The following SERHL2 variants were observed in gnomAD, a reference collection of about 807,000 sequenced individuals.
SERHL2 encodes serine hydrolase like 2.
Under a neutral mutation model 25.5 loss-of-function variants are expected in SERHL2, and 29 were observed. That is an observed-to-expected ratio of 1.14 (90% confidence interval 0.85 to 1.55). The LOEUF (loss-of-function observed/expected upper bound fraction) is 1.55. SERHL2 is among the 40% of genes most tolerant of loss of function. The pLI, the probability that SERHL2 is intolerant of heterozygous loss-of-function variation, is 0.00. For missense variants in SERHL2, 240 were observed against 252.3 expected, an observed-to-expected ratio of 0.95 and a Z score of 0.33; for synonymous variants, 95 against 103.5, an observed-to-expected ratio of 0.92 and a Z score of 0.50.
rs183438296 is a variant in SERHL2, at chr22:42,571,499, G to C, written c.731+296G>C. On this transcript the variant is annotated intron_variant, in intron 10 of 11. Coordinates refer to ENST00000327678, the MANE Select transcript of SERHL2 (RefSeq NM_014509.5). ...ATAACCAGTGAGCCCAGTCTCGGCT[G>C]ACTGCAACCTCTGTCTCCTGGATTC... The C allele has an allele frequency of 5.1e-4, 617 of 1,216,930 alleles. 3 individuals carry two copies. In the East Asian group the frequency reaches 7.0e-3, roughly 14 times the overall value. 75.4% of individuals were successfully genotyped at this position (1,216,930 alleles called of 1,614,324 possible).
intron 6 of SERHL2, among the ~76,000 whole-genome samples, chr22:42,557,608 T>TA (rs1194736954): frequency 2.7e-5 from 1 of 37,052 alleles, no homozygotes; most frequent in African/African-American, 5.7e-5. Flanking sequence ...CCCATAAGGA[T>TA]AAGGATCATG....
chr22:42,568,772 C>G (rs755168920), intron 9 of SERHL2, among the ~76,000 whole-genome samples: 11 of 151,986 alleles, frequency 7.2e-5, no homozygotes, highest in Non-Finnish European at 1.6e-4. Context: ...AAAGACCAGC[C>G]TCGCCAACAT....
chr22:42,567,760 C>T (rs1439088443), intron 9 of SERHL2, among the ~76,000 whole-genome samples: 5 of 150,356 alleles, frequency 3.3e-5, no homozygotes, highest in East Asian at 1.9e-4. Context: ...TACAGAGTCT[C>T]GCTCTTGTTG....
Position 42,574,303 on chromosome 22 carries a change from G to A in SERHL2, c.*248G>A. ...AATAATAAATATCCAGCCAGCTGGA[G>A]GAAGGAAGGGCAGGCTGGGCCCACC... On this transcript the variant is annotated 3_prime_UTR_variant, in exon 12 of 12. Coordinates refer to ENST00000327678, the MANE Select transcript of SERHL2 (RefSeq NM_014509.5). The A allele has an allele frequency of 1.8e-6, 1 of 544,326 alleles. No individual in the cohort carries two copies. The highest frequency in any genetic ancestry group is 3.2e-6 in the Non-Finnish European group (1 of 307,838). 33.7% of individuals were successfully genotyped at this position (544,326 alleles called of 1,614,324 possible). A position where few individuals can be genotyped will look rare whatever the true frequency, so the allele number is the denominator to read the frequency against.
chr22:42,564,026 C>CA (rs1289144401), intron 8 of SERHL2, among the ~76,000 whole-genome samples: 1 of 151,562 alleles, frequency 6.6e-6, no homozygotes, highest in Admixed American at 6.6e-5. Flanking sequence ...GAGCTGAGAT[C>CA]ATACCATTGC....
rs765810447 is a variant in SERHL2 at position 42,556,507 on chromosome 22, C to T, written c.349-7C>T. On this transcript the variant is annotated splice_polypyrimidine_tract_variant and splice_region_variant and intron_variant, in intron 5 of 11. Coordinates refer to ENST00000327678, the MANE Select transcript of SERHL2 (RefSeq NM_014509.5). ...CTATTCATTCTCCCCTTTTGGCATC[C>T]TCACAGTTTTTCTGTACCTTCCCCG... 8.1e-6 allele frequency: 13 copies of T among 1,613,214 alleles called. 1 individual carries two copies. Among genetic ancestry groups the T allele is most frequent in the Non-Finnish European group, 1.0e-5 (12 of 1,179,414 alleles).
chr22:42,560,692 A>T (rs1922576915), intron 8 of SERHL2, among the ~76,000 whole-genome samples: 1 of 151,882 alleles, frequency 6.6e-6, no homozygotes, highest in Non-Finnish European at 1.5e-5. Flanking sequence ...CTTCTGGCAC[A>T]AGCGATTTGT....
intron 9 of SERHL2, among the ~76,000 whole-genome samples, chr22:42,567,365 T>C (rs1389165871): frequency 1.3e-5 from 2 of 151,986 alleles, no homozygotes; most frequent in Non-Finnish European, 2.9e-5. Context: ...TTTTTGTGTT[T>C]TAAAAGTTCG....
intron 10 of SERHL2, chr22:42,571,943 G>A (rs902491587): frequency 7.5e-6 from 1 of 133,112 alleles, no homozygotes; most frequent in African/African-American, 2.7e-5. Context: ...GGGGCGGGGG[G>A]CGGGGGGTGG....
intron 10 of SERHL2, 85 bp from the exon 11 acceptor site, chr22:42,572,351 G>A: frequency 1.0e-6 from 1 of 985,246 alleles, no homozygotes. Context: ...TCTCCTCAGA[G>A]GCCTGAACCC....
chr22:42,567,721 TTTATTA>T lies in SERHL2; in HGVS notation c.648+1404_648+1409del, dbSNP rs553420266. 2.7e-3 allele frequency among the ~76,000 whole-genome samples: 355 copies of T among 132,074 alleles called. 4 individuals carry two copies. The highest frequency in any genetic ancestry group is 7.7e-3 in the African/African-American group (308 of 40,072). 86.6% of individuals were successfully genotyped at this position (132,074 alleles called of 152,430 possible). On this transcript the variant is annotated intron_variant, in intron 9 of 11. Transcript: ENST00000327678. Reference sequence around the variant, plus strand: ...AATAAAAGTTCGATTTTTCTTTAATTTTATTATTATTATTATTATTATTATTGATAC... The same window carrying T: ...AATAAAAGTTCGATTTTTCTTTAATTTTATTATTATTATTATTATTGATAC...
intron 8 of SERHL2, among the ~76,000 whole-genome samples, chr22:42,565,532 C>T (rs1923260897): frequency 6.6e-6 from 1 of 151,824 alleles, no homozygotes. Context: ...AACCATATTG[C>T]CCAGGCTGGT....
At chr22:42,564,692 A>G (rs1175381320) in intron 8 of SERHL2, among the ~76,000 whole-genome samples, 1 of 151,846 alleles carries the variant, frequency 6.6e-6, no homozygotes, top group Non-Finnish European at 1.5e-5. Context: ...TGGCCTCCCA[A>G]AGTATTGGGA....
At chr22:42,563,967 G>C (rs954793916) in intron 8 of SERHL2, among the ~76,000 whole-genome samples, 2 of 110,972 alleles carry the variant, frequency 1.8e-5, no homozygotes, top group African/African-American at 7.1e-5. Flanking sequence ...CAGCTACTGG[G>C]GAGGCTGAGG....
In SERHL2 at chr22:42,568,667, T is replaced by C. The variant is rs190943289; in HGVS notation, c.648+2329T>C. Among the ~76,000 whole-genome samples the C allele has an allele frequency of 5.3e-5, 8 of 152,006 alleles. No individual in the cohort carries two copies. The East Asian group carries it at 1.5e-3, about 29-fold the overall frequency. On this transcript the variant is annotated intron_variant, in intron 9 of 11. Transcript: ENST00000327678. ...AATTCTCTTTTATTTTTTAAGTTTCTGGCCAGCTAAGTTTTAAGTTTCTGC... is the reference window on the plus strand; with the variant it reads ...AATTCTCTTTTATTTTTTAAGTTTCCGGCCAGCTAAGTTTTAAGTTTCTGC...
intron 8 of SERHL2, among the ~76,000 whole-genome samples, chr22:42,564,028 T>C (rs576638528): frequency 3.0e-4 from 46 of 151,602 alleles, no homozygotes; most frequent in African/African-American, 9.4e-4. Flanking sequence ...GCTGAGATCA[T>C]ACCATTGCAC....
intron 9 of SERHL2, among the ~76,000 whole-genome samples, chr22:42,567,697 AT>A (rs1027126503): frequency 1.1e-4 from 16 of 150,856 alleles, no homozygotes; most frequent in Admixed American, 2.0e-4. Flanking sequence ...AATAAAAAAA[AT>A]AAAAGTTCGA....
At position 42,571,070 on chromosome 22, in the gene SERHL2, G is replaced by A. The variant is rs764972469; in HGVS notation, c.649-51G>A. ...CAACAGAGATGGGTTTCGTGCCCAC[G>A]AGAGTGCCTGTGCCTTGTGACGAGA... On this transcript the variant is annotated intron_variant, in intron 9 of 11. Coordinates refer to ENST00000327678, the MANE Select transcript of SERHL2 (RefSeq NM_014509.5). The A allele has an allele frequency of 1.8e-5, 29 of 1,611,754 alleles. No individual in the cohort carries two copies. In the South Asian group the frequency reaches 2.4e-4, roughly 13 times the overall value.
intron 1 of SERHL2, among the ~76,000 whole-genome samples, chr22:42,554,490 G>A (rs1921991375): frequency 6.6e-6 from 1 of 152,182 alleles, no homozygotes; most frequent in South Asian, 2.1e-4. Flanking sequence ...CCCACCTGCT[G>A]CGTGTATGAG....
Sources: gnomAD v4.1 joint callset for allele counts (sites outside exome capture counted in the v4.1 genomes callset) on GRCh38, gnomAD v4.1.1 for gene constraint, MANE v1.5 for transcripts, NCBI Gene and HGNC (gene_info 2026-07-23, HGNC 2026-07-21) for gene names.